Variants in ZFPM1 observed in about 807,000 individuals in gnomAD.
ZFPM1 encodes zinc finger protein ZFPM1.
A neutral mutation model predicts 46.3 loss-of-function variants in ZFPM1; 28 were observed. The ratio of observed to expected loss-of-function variants is 0.60; its 90% CI spans 0.45 to 0.83. ZFPM1 has a LOEUF of 0.83. ZFPM1 is among the 40% of genes least tolerant of loss of function. ZFPM1 has a pLI of 0.00. For missense variants in ZFPM1, 1,878 were observed against 1,432.4 expected (o/e 1.31, Z -5.02); for synonymous variants, 957 against 675.9 (o/e 1.42, Z -6.45).
intron 4 of ZFPM1, among the ~76,000 whole-genome samples, chr16:88,521,015 ATTAT>A (rs1369936392): frequency 2.1e-5 from 2 of 96,994 alleles, no homozygotes; most frequent in African/African-American, 8.5e-5. Flanking sequence ...TGGATGGATG[ATTAT>A]GTAGGTGGGT....
intron 3 of ZFPM1, 54 bp downstream of exon 3, chr16:88,489,207 G>A (rs555930188): frequency 9.0e-5 from 138 of 1,536,394 alleles, no homozygotes; most frequent in Middle Eastern, 6.0e-4. Context: ...AGCCTGGCCC[G>A]GCCCCTGGGA....
rs145893967 is a variant in ZFPM1 at position 88,460,547 on chromosome 16, C to G, written c.40+6869C>G. On this transcript the variant is annotated intron_variant, in intron 1 of 9. Transcript: ENST00000319555. ...ACAGGGGAGATGGTCTGGTCCTGCC[C>G]TCTGCCCAACACCAGCCTTCATGTT... is the stretch of plus-strand genomic sequence containing the variant. Among the ~76,000 whole-genome samples the G allele has an allele frequency of 6.7e-4, 102 of 152,340 alleles. No individual in the cohort carries two copies. The East Asian group carries it at 0.016, about 24-fold the overall frequency.
chr16:88,475,517 G>GA (rs577252913), intron 1 of ZFPM1, among the ~76,000 whole-genome samples: 6 of 151,930 alleles, frequency 3.9e-5, no homozygotes, highest in Admixed American at 6.5e-5. Flanking sequence ...GGGGTCCGGG[G>GA]GGGGGAGCAC....
intron 3 of ZFPM1, among the ~76,000 whole-genome samples, chr16:88,513,465 G>C (rs922563030): frequency 6.6e-6 from 1 of 152,246 alleles, no homozygotes; most frequent in African/African-American, 2.4e-5. Flanking sequence ...ACAGCACTGC[G>C]GCCAGGGGAC....
At chr16:88,519,051 T>TGGAA (rs1911584741) in intron 4 of ZFPM1, among the ~76,000 whole-genome samples, 1 of 24,494 alleles carries the variant, frequency 4.1e-5, no homozygotes, top group Non-Finnish European at 1.0e-4. Flanking sequence ...GATGGATAGA[T>TGGAA]GGATGGATGG....
chr16:88,520,501 G>C (rs1036876746), intron 4 of ZFPM1, among the ~76,000 whole-genome samples: 1 of 150,136 alleles, frequency 6.7e-6, no homozygotes, highest in Non-Finnish European at 1.5e-5. Context: ...TGAGTGGGTG[G>C]GTAGGTGGAT....
intron 1 of ZFPM1, among the ~76,000 whole-genome samples, chr16:88,485,214 G>A (rs1909150580): frequency 6.6e-6 from 1 of 152,182 alleles, no homozygotes; most frequent in South Asian, 2.1e-4. Flanking sequence ...AGTACAGGGA[G>A]GGCCCACTCG....
intron 1 of ZFPM1, among the ~76,000 whole-genome samples, chr16:88,476,400 CCGTGAGCATA>C (rs1164857550): frequency 1.3e-5 from 2 of 152,070 alleles, no homozygotes. Flanking sequence ...GGGGGTGCGG[CCGTGAGCATA>C]CGTGAAGGGA....
chr16:88,525,043 C>T (rs1406742018), intron 4 of ZFPM1, among the ~76,000 whole-genome samples: 4 of 152,254 alleles, frequency 2.6e-5, no homozygotes, highest in South Asian at 2.1e-4. Flanking sequence ...CTGGCCAGCC[C>T]GCCTGAACCT....
At chr16:88,511,030 C>T (rs568088499) in intron 3 of ZFPM1, among the ~76,000 whole-genome samples, 87 of 152,112 alleles carry the variant, frequency 5.7e-4, no homozygotes, top group Non-Finnish European at 1.1e-3. Context: ...CAGAGACAAC[C>T]TGGCCGGAGC....
At chr16:88,455,692 C>A (rs1015564313) in intron 1 of ZFPM1, among the ~76,000 whole-genome samples, 1 of 152,092 alleles carries the variant, frequency 6.6e-6, no homozygotes, top group Non-Finnish European at 1.5e-5. Flanking sequence ...CCTTTTGTTC[C>A]GTGCGGAGAT....
Position 88,534,463 on chromosome 16 carries a change from C to T in ZFPM1, c.2505C>T (p.His835=). 1 of 1,494,876 alleles carries T rather than the reference C, an allele frequency of 6.7e-7. No homozygotes were observed. The highest frequency in any genetic ancestry group is 1.2e-5 in the South Asian group (1 of 82,128). 92.6% of individuals were successfully genotyped at this position (1,494,876 alleles called of 1,614,324 possible). Residue 835 remains histidine, a synonymous_variant, in exon 10 of 10, where the codon CAC becomes CAT. Coordinates refer to ENST00000319555, the MANE Select transcript of ZFPM1 (RefSeq NM_153813.3). ...SFHSLEAYLA[H]KKYSCPAAPP... Reference sequence around the variant, plus strand: ...ACAGCCTCGAGGCCTACCTGGCGCACAAGAAGTACTCGTGCCCCGCTGCGC... The same window carrying T: ...ACAGCCTCGAGGCCTACCTGGCGCATAAGAAGTACTCGTGCCCCGCTGCGC...
Position 88,534,088 on chromosome 16 carries a change from C to T in ZFPM1, c.2130C>T (p.His710=), listed in dbSNP as rs1913051035. ...VHKRYYCASR[H]DPPPRRPAAP... ...AGCGGTACTACTGCGCCTCGCGCCACGACCCGCCGCCGCGCCGACCGGCCG... is the reference window on the plus strand; with the variant it reads ...AGCGGTACTACTGCGCCTCGCGCCATGACCCGCCGCCGCGCCGACCGGCCG... Residue 710 remains histidine, a synonymous_variant, in exon 10 of 10, where the codon CAC becomes CAT. Transcript: ENST00000319555. 1 of 1,212,716 alleles carries T rather than the reference C, an allele frequency of 8.2e-7. No individual in the cohort carries two copies. The highest frequency in any genetic ancestry group is 1.1e-6 in the Non-Finnish European group (1 of 951,964). The allele number at this position is 1,212,716 out of a possible 1,614,324, so 75.1% of individuals were successfully genotyped here.
At chr16:88,527,056 G>A (rs1012763300) in intron 5 of ZFPM1, 140 bp downstream of exon 5, 3 of 1,331,892 alleles carry the variant, frequency 2.3e-6, no homozygotes, top group Non-Finnish European at 3.0e-6. Context: ...CCCGGGCGCT[G>A]CAGCATGAGG....
Position 88,533,385 on chromosome 16 carries a change from T to C in ZFPM1, c.1427T>C (p.Leu476Pro), listed in dbSNP as rs1287156658. The C allele has an allele frequency of 3.3e-6, 5 of 1,524,820 alleles. No homozygotes were observed. Among genetic ancestry groups the C allele is most frequent in the Non-Finnish European group, 4.4e-6 (5 of 1,142,290 alleles). The allele number at this position is 1,524,820 out of a possible 1,614,324, so 94.5% of individuals were successfully genotyped here. The change falls in exon 10 of 10, where the codon CTG becomes CCG. Residue 476 changes from leucine to proline, a missense_variant. By Grantham distance (98) the Leu-to-Pro change is moderately conservative. Coordinates refer to ENST00000319555, the MANE Select transcript of ZFPM1 (RefSeq NM_153813.3). ...GAGGAGCCGGAGGCGGCCCCCATCC[T>C]GGGCCCCGGAGAGCCTGGGCCCCAG... ...AVEEPEAAPI[L>P]GPGEPGPQAP... is the part of the protein sequence containing the mutation.
chr16:88,519,270 G>GGGATGGAT (rs758724772), intron 4 of ZFPM1, among the ~76,000 whole-genome samples: 2 of 129,892 alleles, frequency 1.5e-5, no homozygotes, highest in African/African-American at 6.0e-5. Flanking sequence ...GATGAGTGGA[G>GGGATGGAT]GGATGGATGG....
At chr16:88,530,814 G>C (rs1434375504) in intron 6 of ZFPM1, 1 of 152,342 alleles carries the variant, frequency 6.6e-6, no homozygotes, top group African/African-American at 2.4e-5. Context: ...AGAGGACAGA[G>C]CTGCCTGCAG....
At chr16:88,482,963 G>A (rs1490329419) in intron 1 of ZFPM1, among the ~76,000 whole-genome samples, 1 of 152,170 alleles carries the variant, frequency 6.6e-6, no homozygotes, top group Non-Finnish European at 1.5e-5. Flanking sequence ...CTGCTTTTCT[G>A]CCCTGGCGTG....
chr16:88,481,677 C>T (rs541771236), intron 1 of ZFPM1, among the ~76,000 whole-genome samples: 1 of 152,182 alleles, frequency 6.6e-6, no homozygotes, highest in African/African-American at 2.4e-5. Context: ...TGCACCCTGT[C>T]CCCCTGCACT....
Sources: gnomAD v4.1 joint callset for allele counts (sites outside exome capture counted in the v4.1 genomes callset) on GRCh38, gnomAD v4.1.1 for gene constraint, MANE v1.5 for transcripts, NCBI Gene and HGNC (gene_info 2026-07-23, HGNC 2026-07-21) for gene names.